The following PIKFYVE variants were observed in gnomAD, a reference collection of about 807,000 sequenced individuals.
The protein encoded by PIKFYVE is phosphoinositide kinase, FYVE-type zinc finger containing, also known as 1-phosphatidylinositol 3-phosphate 5-kinase.
In PIKFYVE, 122 loss-of-function variants were observed where a neutral mutation model predicts 257.9. That is an observed-to-expected ratio of 0.47 (90% confidence interval 0.41 to 0.55). The LOEUF (loss-of-function observed/expected upper bound fraction) is 0.55. Ranked by LOEUF, PIKFYVE falls within the 20% of genes least tolerant of loss-of-function variation. The pLI, the probability that PIKFYVE is intolerant of heterozygous loss-of-function variation, is 0.00. For missense variants in PIKFYVE, 2,160 were observed against 2,536.6 expected (o/e 0.85, Z 3.19); for synonymous variants, 892 against 868.9 (o/e 1.03, Z -0.47).
chr2:208,296,038 T>A (rs968250800), intron 7 of PIKFYVE, among the ~76,000 whole-genome samples: 2 of 152,118 alleles, frequency 1.3e-5, no homozygotes, highest in African/African-American at 4.8e-5. Context: ...ACAGTCTCGC[T>A]TTGTTGCCCA....
intron 5 of PIKFYVE, among the ~76,000 whole-genome samples, chr2:208,282,720 T>C (rs1690980658): frequency 6.6e-6 from 1 of 152,164 alleles, no homozygotes; most frequent in Non-Finnish European, 1.5e-5. Context: ...AAATAACTAA[T>C]CTAGCCAAGT....
intron 29 of PIKFYVE, 119 bp downstream of exon 29, chr2:208,338,687 C>A: frequency 1.1e-6 from 1 of 912,966 alleles, no homozygotes; most frequent in East Asian, 2.6e-5. Flanking sequence ...ACTTCTTTTC[C>A]TTCCTGTAGA....
chr2:208,292,685 A>G (rs539950762), intron 7 of PIKFYVE, among the ~76,000 whole-genome samples: 1 of 151,722 alleles, frequency 6.6e-6, no homozygotes, highest in African/African-American at 2.4e-5. Flanking sequence ...TCCTGTTTTG[A>G]TTTCATTTAA....
chr2:208,287,631 C>T (rs1021090429), intron 6 of PIKFYVE, among the ~76,000 whole-genome samples: 28 of 151,928 alleles, frequency 1.8e-4, no homozygotes, highest in African/African-American at 5.6e-4. Flanking sequence ...GATGGAGTCT[C>T]GCTCTGTCAC....
At position 208,335,899 on chromosome 2, in the gene PIKFYVE, G is replaced by A; in HGVS notation, c.4363G>A (p.Glu1455Lys). ...EKMEDIFAQK[E>K]MEEGEFKNWI... ...AATGGAAGATATTTTTGCACAGAAA[G>A]AGGTAATTTATTTCTTTGGTAGAAA... Residue 1455 changes from glutamate to lysine, a missense_variant and splice_region_variant, in exon 26 of 42, where the codon GAG becomes AAG. Glu to Lys is a moderately conservative substitution (Grantham distance 56, BLOSUM62 1). Transcript: ENST00000264380. The A allele has an allele frequency of 6.2e-7, 1 of 1,604,166 alleles. No homozygotes were observed. The highest frequency in any genetic ancestry group is 8.5e-7 in the Non-Finnish European group (1 of 1,171,742).
chr2:208,357,989 G>C lies in PIKFYVE; in HGVS notation c.*2684G>C, dbSNP rs1700255644. Reference sequence around the variant, plus strand: ...ATAGGATTTACTTTTTTCTAATTCTGACCTAAGAAAAATAATGAGAACAAG... The same window carrying C: ...ATAGGATTTACTTTTTTCTAATTCTCACCTAAGAAAAATAATGAGAACAAG... On this transcript the variant is annotated 3_prime_UTR_variant, in exon 42 of 42. Transcript: ENST00000264380. 6.6e-6 allele frequency: 1 copy of C among 152,006 alleles called. No individual in the cohort carries two copies. Among genetic ancestry groups the C allele is most frequent in the Admixed American group, 6.6e-5 (1 of 15,262 alleles). 9.4% of individuals were successfully genotyped at this position (152,006 alleles called of 1,614,324 possible). A position where few individuals can be genotyped will look rare whatever the true frequency, so the allele number is the denominator to read the frequency against.
At chr2:208,341,610 C>G (rs1436263253) in intron 31 of PIKFYVE, among the ~76,000 whole-genome samples, 1 of 152,128 alleles carries the variant, frequency 6.6e-6, no homozygotes, top group African/African-American at 2.4e-5. Context: ...TGGTTGGGTT[C>G]TGGCAAGGGT....
intron 6 of PIKFYVE, among the ~76,000 whole-genome samples, chr2:208,286,362 A>AT (rs972087690): frequency 2.0e-5 from 3 of 151,972 alleles, no homozygotes; most frequent in African/African-American, 4.8e-5. Context: ...GTGAAATTAG[A>AT]TTTTTTTTCC....
intron 35 of PIKFYVE, among the ~76,000 whole-genome samples, chr2:208,348,610 G>GTGTT (rs1699464993): frequency 1.3e-5 from 2 of 150,142 alleles, no homozygotes; most frequent in Non-Finnish European, 3.0e-5. Context: ...GTGTGTGTGT[G>GTGTT]TGTGTGTGTG....
intron 1 of PIKFYVE, among the ~76,000 whole-genome samples, chr2:208,267,178 T>C (rs1362411897): frequency 2.0e-5 from 3 of 152,262 alleles, no homozygotes; most frequent in African/African-American, 7.2e-5. Context: ...TTGTAAAATA[T>C]GTCCAGTGTT....
At chr2:208,285,641 GAGTTAAAAA>G in intron 5 of PIKFYVE, 76 bp from the exon 6 acceptor site, 1 of 1,084,220 alleles carries the variant, frequency 9.2e-7, no homozygotes, top group Non-Finnish European at 1.4e-6. Context: ...TTGACCCAAG[GAGTTAAAAA>G]AGTTACGTTA....
chr2:208,351,070 G>C (rs1228586533), intron 37 of PIKFYVE, 123 bp downstream of exon 37: 1 of 1,308,298 alleles, frequency 7.6e-7, no homozygotes, highest in Non-Finnish European at 1.1e-6. Flanking sequence ...AGTTTTAACA[G>C]AGGTGTTTAT....
At position 208,320,288 on chromosome 2, in the gene PIKFYVE, T is replaced by C. The variant is rs546803139; in HGVS notation, c.2119T>C (p.Leu707=). ...SCIKNPKILL[L]KCSIEYLYRE... The stretch of plus-strand genomic sequence containing the variant: ...TATTAAAAACCCCAAAATTCTTCTG[T>C]TGAAGTGTTCCATTGAGTATCTCTA... Residue 707 remains leucine (L), a synonymous_variant, in exon 17 of 42, where the codon TTG becomes CTG. Transcript: ENST00000264380. 3 of 1,612,136 alleles carry C rather than the reference T, an allele frequency of 1.9e-6. No homozygotes were observed. The highest frequency in any genetic ancestry group is 1.7e-5 in the Admixed American group (1 of 59,962).
intron 38 of PIKFYVE, 134 bp from the exon 39 acceptor site, chr2:208,352,520 G>C (rs540519696): frequency 2.1e-6 from 2 of 943,788 alleles, no homozygotes; most frequent in South Asian, 3.3e-5. Flanking sequence ...TCAAGAGTTT[G>C]AGTTTTTTTC....
At chr2:208,311,192 G>A (rs1031131834) in intron 12 of PIKFYVE, among the ~76,000 whole-genome samples, 55 of 152,230 alleles carry the variant, frequency 3.6e-4, no homozygotes, top group African/African-American at 1.3e-3. Context: ...GCTTTAGTGT[G>A]AGAAGGCTGG....
intron 25 of PIKFYVE, 102 bp from the exon 26 acceptor site, chr2:208,335,691 T>C: frequency 1.0e-6 from 1 of 998,462 alleles, no homozygotes; most frequent in Non-Finnish European, 1.6e-6. Context: ...AGGTAAAACA[T>C]AATTTCAATT....
chr2:208,295,568 TC>T (rs1227405529), intron 7 of PIKFYVE, among the ~76,000 whole-genome samples: 1 of 152,204 alleles, frequency 6.6e-6, no homozygotes, highest in Non-Finnish European at 1.5e-5. Flanking sequence ...AAAATGCCCT[TC>T]AATTTAAGTT....
rs1018878325 is a variant in PIKFYVE at position 208,315,096 on chromosome 2, A to C, written c.1827-97A>C. Reference sequence around the variant, plus strand: ...AATCTTATCTGTGAGCCGTAATTGAAATGTTTATTTCTTTGTAGGCTGTTT... The same window carrying C: ...AATCTTATCTGTGAGCCGTAATTGACATGTTTATTTCTTTGTAGGCTGTTT... On this transcript the variant is annotated intron_variant, in intron 14 of 41. Transcript: ENST00000264380. 3 of 1,104,716 alleles carry C rather than the reference A, an allele frequency of 2.7e-6. No individual in the cohort carries two copies. In the African/African-American group the frequency reaches 4.7e-5, roughly 17 times the overall value. The allele number at this position is 1,104,716 out of a possible 1,614,324, so 68.4% of individuals were successfully genotyped here. A position where few individuals can be genotyped will look rare whatever the true frequency, so the allele number is the denominator to read the frequency against.
chr2:208,308,630 T>C (rs1027182546), intron 12 of PIKFYVE, among the ~76,000 whole-genome samples: 2 of 151,848 alleles, frequency 1.3e-5, no homozygotes, highest in Non-Finnish European at 2.9e-5. Flanking sequence ...TTCTACTTAG[T>C]ATGAGCTTTT....
Sources: allele counts gnomAD v4.1 joint callset (sites outside exome capture counted in the v4.1 genomes callset), GRCh38; gene constraint gnomAD v4.1.1; transcripts MANE v1.5; gene names NCBI Gene and HGNC (gene_info 2026-07-23, HGNC 2026-07-21).